Variants in MRPS28 observed in about 807,000 individuals in gnomAD.
The protein encoded by MRPS28 is mitochondrial ribosomal protein S28.
Under a neutral mutation model 10.8 loss-of-function variants are expected in MRPS28, and 7 were observed. The ratio of observed to expected loss-of-function variants is 0.65; its 90% CI spans 0.37 to 1.22. MRPS28 has a LOEUF of 1.22. Among genes scored for constraint, MRPS28 ranks in the 50% most tolerant of loss-of-function variants. The pLI is 0.02. For synonymous variants in MRPS28, 121 were observed against 93.3 expected (o/e 1.30, Z -1.71); for missense variants, 265 against 232.9 (o/e 1.14, Z -0.90).
At position 79,964,081 on chromosome 8, in the gene MRPS28, T is replaced by C. The variant is rs149564159; in HGVS notation, c.395+38918A>G. ...CCACTTATACAACCTTTTTCAGAGGTTGGGCACAAAGAGAAATCAGGATTG... is the reference window on the plus strand; with the variant it reads ...CCACTTATACAACCTTTTTCAGAGGCTGGGCACAAAGAGAAATCAGGATTG... On this transcript the variant is annotated intron_variant, in intron 2 of 2. Coordinates refer to ENST00000276585, the MANE Select transcript of MRPS28 (RefSeq NM_014018.3). Among the ~76,000 whole-genome samples, 267 of 152,198 alleles carry C rather than the reference T, an allele frequency of 1.8e-3. 1 individual carries two copies. The highest frequency in any genetic ancestry group is 5.6e-3 in the African/African-American group (233 of 41,542).
intron 2 of MRPS28, chr8:79,958,357 A>G (rs1807282762): frequency 1.4e-6 from 1 of 698,108 alleles, no homozygotes. Flanking sequence ...GATGTTTTCC[A>G]AAGTCAGAGT....
intron 2 of MRPS28, among the ~76,000 whole-genome samples, chr8:79,962,574 C>G (rs754252744): frequency 1.7e-4 from 26 of 152,104 alleles, no homozygotes; most frequent in Admixed American, 5.9e-4. Flanking sequence ...TCCTGATATA[C>G]TTCATAATAC....
intron 1 of MRPS28, among the ~76,000 whole-genome samples, chr8:80,006,024 A>T (rs1331456925): frequency 3.3e-5 from 5 of 152,276 alleles, no homozygotes; most frequent in East Asian, 1.9e-4. Flanking sequence ...AGACTCCCAC[A>T]TAATAATAAT....
At chr8:79,996,061 G>C (rs1158210445) in intron 2 of MRPS28, among the ~76,000 whole-genome samples, 1 of 151,430 alleles carries the variant, frequency 6.6e-6, no homozygotes, top group African/African-American at 2.4e-5. Flanking sequence ...GTCATCAAAA[G>C]CAAAAACAAA....
intron 2 of MRPS28, among the ~76,000 whole-genome samples, chr8:79,977,133 TAG>T (rs1431492189): frequency 1.3e-4 from 20 of 152,320 alleles, no homozygotes; most frequent in African/African-American, 4.8e-4. Flanking sequence ...TTCAAAATTA[TAG>T]AGAGTATGAT....
intron 1 of MRPS28, among the ~76,000 whole-genome samples, chr8:80,007,750 C>A (rs1437428929): frequency 6.6e-6 from 1 of 152,156 alleles, no homozygotes; most frequent in Non-Finnish European, 1.5e-5. Flanking sequence ...GAACTACAAA[C>A]CACTGCTCAA....
At chr8:79,992,877 A>G (rs1033960271) in intron 2 of MRPS28, among the ~76,000 whole-genome samples, 1 of 152,228 alleles carries the variant, frequency 6.6e-6, no homozygotes, top group Admixed American at 6.5e-5. Context: ...ACAGTATCTT[A>G]GAGTAATAAC....
intron 2 of MRPS28, among the ~76,000 whole-genome samples, chr8:79,955,356 C>T (rs1223209426): frequency 6.6e-6 from 1 of 152,100 alleles, no homozygotes; most frequent in African/African-American, 2.4e-5. Context: ...AGGTAGAAGC[C>T]AGGTATTAAG....
chr8:79,952,163 T>G (rs1379961028), intron 2 of MRPS28, among the ~76,000 whole-genome samples: 3 of 152,230 alleles, frequency 2.0e-5, no homozygotes, highest in Non-Finnish European at 4.4e-5. Context: ...GCCCATATTT[T>G]AAATCAAATC....
intron 2 of MRPS28, among the ~76,000 whole-genome samples, chr8:79,923,174 G>A (rs1012862900): frequency 6.6e-5 from 10 of 152,124 alleles, no homozygotes; most frequent in Non-Finnish European, 1.5e-4. Flanking sequence ...AATATTTTGT[G>A]TCTTTGTTTT....
chr8:79,976,763 G>T (rs1807815134), intron 2 of MRPS28, among the ~76,000 whole-genome samples: 1 of 152,072 alleles, frequency 6.6e-6, no homozygotes, highest in Non-Finnish European at 1.5e-5. Flanking sequence ...GGTGATAATT[G>T]TTTTTTTCCT....
At chr8:79,968,191 C>T (rs546925146) in intron 2 of MRPS28, among the ~76,000 whole-genome samples, 1 of 152,220 alleles carries the variant, frequency 6.6e-6, no homozygotes, top group African/African-American at 2.4e-5. Context: ...TAAATGACTG[C>T]CCTGCCTCCA....
chr8:80,017,043 T>C (rs1349540974), intron 1 of MRPS28, among the ~76,000 whole-genome samples: 1 of 152,176 alleles, frequency 6.6e-6, no homozygotes, highest in South Asian at 2.1e-4. Context: ...ACAGACCACA[T>C]TCTGGACCAT....
chr8:79,984,592 A>T (rs909727025), intron 2 of MRPS28, among the ~76,000 whole-genome samples: 10 of 152,200 alleles, frequency 6.6e-5, no homozygotes, highest in Non-Finnish European at 1.3e-4. Flanking sequence ...CTACCAAGCA[A>T]ATGGAAAACA....
intron 2 of MRPS28, among the ~76,000 whole-genome samples, chr8:79,987,342 T>A (rs1042342163): frequency 5.9e-5 from 9 of 152,248 alleles, no homozygotes; most frequent in African/African-American, 1.9e-4. Flanking sequence ...AACCTAGGCA[T>A]TACCATTCAG....
chr8:79,946,385 C>T (rs1429115880), intron 2 of MRPS28, among the ~76,000 whole-genome samples: 1 of 151,978 alleles, frequency 6.6e-6, no homozygotes, highest in Non-Finnish European at 1.5e-5. Context: ...CTTGTATGTA[C>T]TAATGAAAGT....
intron 2 of MRPS28, 23 bp from the exon 3 acceptor site, chr8:79,919,171 A>C: frequency 6.6e-7 from 1 of 1,509,498 alleles, no homozygotes; most frequent in East Asian, 2.3e-5. Context: ...AAAAAAAAAA[A>C]TCCATTAATT....
chr8:79,982,034 G>A (rs967765056), intron 2 of MRPS28, among the ~76,000 whole-genome samples: 1 of 152,146 alleles, frequency 6.6e-6, no homozygotes, highest in Non-Finnish European at 1.5e-5. Context: ...ATCACTTGAG[G>A]TCAGAAATTC....
intron 2 of MRPS28, among the ~76,000 whole-genome samples, chr8:79,938,149 T>C (rs1384914897): frequency 6.6e-6 from 1 of 152,072 alleles, no homozygotes; most frequent in Non-Finnish European, 1.5e-5. Flanking sequence ...TTCCTTCTGA[T>C]TCAATTGCTG....
Sources: allele counts gnomAD v4.1 joint callset (sites outside exome capture counted in the v4.1 genomes callset), GRCh38; gene constraint gnomAD v4.1.1; transcripts MANE v1.5; gene names NCBI Gene and HGNC (gene_info 2026-07-23, HGNC 2026-07-21).